Variants in CNTN5 observed in about 807,000 individuals in gnomAD.
CNTN5 encodes contactin-5.
CNTN5 carries 77 observed loss-of-function variants against 129.1 expected under a neutral mutation model. The ratio of observed to expected loss-of-function variants is 0.60; its 90% confidence interval spans 0.50 to 0.72. The LOEUF (loss-of-function observed/expected upper bound fraction) is 0.72. Ranked by LOEUF, CNTN5 falls within the 30% of genes least tolerant of loss-of-function variation. The pLI is 0.00. For missense variants in CNTN5, 1,478 were observed against 1,328.8 expected, an observed-to-expected ratio of 1.11 and a Z score of -1.75; for synonymous variants, 509 against 465.6, an observed-to-expected ratio of 1.09 and a Z score of -1.20.
At chr11:100,258,990 C>G (rs1249944799) in intron 17 of CNTN5, among the ~76,000 whole-genome samples, 1 of 152,124 alleles carries the variant, frequency 6.6e-6, no homozygotes, top group Non-Finnish European at 1.5e-5. Flanking sequence ...AGTTAAAAGA[C>G]ACAGACTGGC....
At chr11:99,933,834 A>G (rs1281098292) in intron 7 of CNTN5, among the ~76,000 whole-genome samples, 1 of 152,150 alleles carries the variant, frequency 6.6e-6, no homozygotes, top group Non-Finnish European at 1.5e-5. Context: ...GCTGTTTTCA[A>G]TTTTTGACTA....
rs865826760 is a variant in CNTN5 at position 100,032,423 on chromosome 11, A to G, written c.981-28789A>G. Among the ~76,000 whole-genome samples the G allele has an allele frequency of 4.6e-5, 7 of 152,280 alleles. No individual in the cohort carries two copies. In the Middle Eastern group the frequency reaches 0.014, roughly 296 times the overall value. On this transcript the variant is annotated intron_variant, in intron 9 of 24. Coordinates refer to ENST00000524871, the MANE Select transcript of CNTN5 (RefSeq NM_014361.4). Reference sequence around the variant, plus strand: ...GAGGTGATTCAAAAAAGACAGTTATAAATTTAAAAAGCCTTGAAATGTTCT... The same window carrying G: ...GAGGTGATTCAAAAAAGACAGTTATGAATTTAAAAAGCCTTGAAATGTTCT...
intron 1 of CNTN5, among the ~76,000 whole-genome samples, chr11:99,320,952 A>T (rs994859774): frequency 6.6e-6 from 1 of 152,140 alleles, no homozygotes; most frequent in African/African-American, 2.4e-5. Flanking sequence ...TCCTGAATAG[A>T]ACAGAAGGGT....
chr11:100,181,313 G>T (rs530304068), intron 13 of CNTN5, among the ~76,000 whole-genome samples: 1 of 151,792 alleles, frequency 6.6e-6, no homozygotes, highest in Middle Eastern at 3.2e-3. Flanking sequence ...ATCCCCAAAA[G>T]TTATATACTG....
At chr11:99,667,536 C>T (rs1952842228) in intron 3 of CNTN5, among the ~76,000 whole-genome samples, 1 of 151,976 alleles carries the variant, frequency 6.6e-6, no homozygotes, top group African/African-American at 2.4e-5. Flanking sequence ...GGTGTTTGAC[C>T]CATAGTGAGT....
At chr11:100,079,194 A>G (rs1464482521) in intron 13 of CNTN5, among the ~76,000 whole-genome samples, 1 of 152,102 alleles carries the variant, frequency 6.6e-6, no homozygotes, top group Non-Finnish European at 1.5e-5. Context: ...TCAAGATGAG[A>G]TTTGGGTGGG....
rs1864527106 is a variant in CNTN5, at chr11:99,299,407, A to G, written c.-209-25939A>G. Among the ~76,000 whole-genome samples, 3 of 152,344 alleles carry G rather than the reference A, an allele frequency of 2.0e-5. No individual in the cohort carries two copies. The South Asian group carries it at 6.2e-4, about 32-fold the overall frequency. ...AAGTTGGCAAGTATATTAACAAAAA[A>G]AATTACTGGAAGGGCTCAAAACAGA... On this transcript the variant is annotated intron_variant, in intron 1 of 24. Coordinates refer to ENST00000524871, the MANE Select transcript of CNTN5 (RefSeq NM_014361.4).
intron 3 of CNTN5, among the ~76,000 whole-genome samples, chr11:99,592,685 C>T (rs963588733): frequency 1.2e-4 from 18 of 151,978 alleles, no homozygotes; most frequent in African/African-American, 4.4e-4. Flanking sequence ...ATAAGAGTAA[C>T]TAAGGGGAAT....
At chr11:100,126,019 T>G (rs1946170221) in intron 13 of CNTN5, among the ~76,000 whole-genome samples, 1 of 152,146 alleles carries the variant, frequency 6.6e-6, no homozygotes, top group East Asian at 1.9e-4. Context: ...TTCATTTATT[T>G]CAAATAATTT....
intron 1 of CNTN5, among the ~76,000 whole-genome samples, chr11:99,140,903 T>A (rs1304664009): frequency 6.6e-6 from 1 of 151,570 alleles, no homozygotes; most frequent in Non-Finnish European, 1.5e-5. Flanking sequence ...TCTAGTATTT[T>A]TTTTTTGAGG....
intron 9 of CNTN5, among the ~76,000 whole-genome samples, chr11:100,061,011 T>C (rs10791139): frequency 2.3e-4 from 35 of 151,950 alleles, no homozygotes; most frequent in African/African-American, 6.0e-4. Context: ...TCCTGAAATA[T>C]GAAAGAAAAG....
intron 8 of CNTN5, among the ~76,000 whole-genome samples, chr11:99,994,201 A>G (rs973782846): frequency 1.3e-5 from 2 of 152,160 alleles, no homozygotes; most frequent in Admixed American, 1.3e-4. Context: ...TATAAATGTA[A>G]TCTGGAAGAG....
At chr11:99,755,629 A>T (rs1207450027) in intron 3 of CNTN5, among the ~76,000 whole-genome samples, 1 of 151,746 alleles carries the variant, frequency 6.6e-6, no homozygotes, top group Non-Finnish European at 1.5e-5. Context: ...TTTGTAAGAT[A>T]TGTTTTTGCA....
chr11:99,254,903 AG>A (rs1181955258), intron 1 of CNTN5, among the ~76,000 whole-genome samples: 2 of 152,054 alleles, frequency 1.3e-5, no homozygotes, highest in East Asian at 3.9e-4. Context: ...ATATTTCTGT[AG>A]GGGGAAAATT....
At chr11:99,196,857 A>G (rs1396279217) in intron 1 of CNTN5, among the ~76,000 whole-genome samples, 1 of 151,980 alleles carries the variant, frequency 6.6e-6, no homozygotes, top group African/African-American at 2.4e-5. Flanking sequence ...TAGGAGGAGT[A>G]TGTCCTTGGA....
intron 2 of CNTN5, among the ~76,000 whole-genome samples, chr11:99,548,205 G>A (rs1008213978): frequency 6.6e-6 from 1 of 152,048 alleles, no homozygotes; most frequent in African/African-American, 2.4e-5. Flanking sequence ...ATAGAAAGAG[G>A]TATTTCTCTC....
At chr11:99,931,210 T>G (rs1021037571) in intron 7 of CNTN5, among the ~76,000 whole-genome samples, 1 of 152,204 alleles carries the variant, frequency 6.6e-6, no homozygotes, top group African/African-American at 2.4e-5. Context: ...TGTTTTGTTC[T>G]TTTCATTGCT....
intron 2 of CNTN5, among the ~76,000 whole-genome samples, chr11:99,330,363 T>A (rs1282266885): frequency 6.6e-6 from 1 of 151,996 alleles, no homozygotes; most frequent in East Asian, 1.9e-4. Flanking sequence ...CGGGCTCTTG[T>A]GGGATATAAG....
intron 10 of CNTN5, among the ~76,000 whole-genome samples, chr11:100,064,734 A>G (rs76264711): frequency 0.092 from 13,980 of 152,144 alleles, 825 homozygotes; most frequent in East Asian, 0.18. Flanking sequence ...TTTTGTTTCT[A>G]TAGTTCTAAT....
Sources: gnomAD v4.1 joint callset for allele counts (sites outside exome capture counted in the v4.1 genomes callset) on GRCh38, gnomAD v4.1.1 for gene constraint, MANE v1.5 for transcripts, NCBI Gene and HGNC (gene_info 2026-07-23, HGNC 2026-07-21) for gene names.